PLXNC1: variants seen among roughly 807,000 people sequenced by gnomAD.
PLXNC1 encodes the protein plexin-C1.
In PLXNC1, 75 loss-of-function variants were observed where a neutral mutation model predicts 178.2. That is an observed-to-expected ratio of 0.42 (90% CI 0.35 to 0.51). The LOEUF (loss-of-function observed/expected upper bound fraction) is 0.51. Among genes scored for constraint, PLXNC1 ranks in the 20% least tolerant of loss-of-function variants. The pLI, the probability that PLXNC1 is intolerant of heterozygous loss-of-function variation, is 0.02. For synonymous variants in PLXNC1, 790 were observed against 779.9 expected (o/e 1.01, Z -0.22); for missense variants, 1,503 against 1,984.4 (o/e 0.76, Z 4.61).
intron 1 of PLXNC1, among the ~76,000 whole-genome samples, chr12:94,168,568 T>C (rs1420791531): frequency 6.6e-6 from 1 of 152,148 alleles, no homozygotes; most frequent in Admixed American, 6.5e-5. Flanking sequence ...CCTCCTTAGC[T>C]CTGTGGCTCG....
In PLXNC1 at chr12:94,297,173, T is replaced by C; in HGVS notation, c.3935-16T>C. ...TTTAATGGACTGCTTTCTCTCCCTC[T>C]TTCTCTGGCATTCAGATGTGGAGTA... On this transcript the variant is annotated splice_polypyrimidine_tract_variant and intron_variant, in intron 24 of 30. Transcript: ENST00000258526. 6.2e-7 allele frequency: 1 copy of C among 1,613,612 alleles called. No individual in the cohort carries two copies. Among genetic ancestry groups the C allele is most frequent in the Non-Finnish European group, 8.5e-7 (1 of 1,179,830 alleles).
intron 27 of PLXNC1, among the ~76,000 whole-genome samples, 194 bp from the exon 28 acceptor site, chr12:94,300,716 A>C (rs182970612): frequency 1.4e-4 from 22 of 152,244 alleles, no homozygotes; most frequent in African/African-American, 5.1e-4. Context: ...TCCTTCTTTT[A>C]CAGTAGCTCT....
At chr12:94,175,877 T>C (rs1962032312) in intron 2 of PLXNC1, among the ~76,000 whole-genome samples, 2 of 152,170 alleles carry the variant, frequency 1.3e-5, no homozygotes. Flanking sequence ...ATAAAGACAC[T>C]TCAGATAGTG....
At chr12:94,251,772 C>T (rs1964697162) in intron 15 of PLXNC1, among the ~76,000 whole-genome samples, 1 of 152,142 alleles carries the variant, frequency 6.6e-6, no homozygotes, top group Non-Finnish European at 1.5e-5. Context: ...GGGCGGATCG[C>T]CTTGAGGTCA....
At chr12:94,240,715 C>A in intron 11 of PLXNC1, 51 bp downstream of exon 11, 1 of 1,308,892 alleles carries the variant, frequency 7.6e-7, no homozygotes, top group Non-Finnish European at 1.1e-6. Flanking sequence ...AGGTCATATG[C>A]CCAAAGATCA....
intron 22 of PLXNC1, among the ~76,000 whole-genome samples, chr12:94,281,598 A>G (rs965404796): frequency 2.2e-5 from 2 of 89,312 alleles, no homozygotes; most frequent in Non-Finnish European, 4.5e-5. Context: ...TTTAAAAAAA[A>G]TTTTATAGAG....
chr12:94,167,784 T>A (rs1214752591), intron 1 of PLXNC1, among the ~76,000 whole-genome samples: 1 of 152,210 alleles, frequency 6.6e-6, no homozygotes, highest in Non-Finnish European at 1.5e-5. Flanking sequence ...TAAATCTTCT[T>A]AAACCGAGTT....
chr12:94,250,579 A>C (rs1387622871), intron 14 of PLXNC1, among the ~76,000 whole-genome samples: 1 of 152,210 alleles, frequency 6.6e-6, no homozygotes, highest in African/African-American at 2.4e-5. Context: ...TTGTATGTAC[A>C]TCAGTGAAAT....
intron 27 of PLXNC1, among the ~76,000 whole-genome samples, chr12:94,300,257 G>T (rs1040330816): frequency 6.6e-6 from 1 of 152,192 alleles, no homozygotes; most frequent in Admixed American, 6.5e-5. Flanking sequence ...AGGCTAGTAT[G>T]TGTCAGGACT....
At chr12:94,199,263 C>G (rs1339473953) in intron 4 of PLXNC1, among the ~76,000 whole-genome samples, 1 of 152,170 alleles carries the variant, frequency 6.6e-6, no homozygotes, top group Non-Finnish European at 1.5e-5. Flanking sequence ...CCTTCCAATC[C>G]GGGATGTGTC....
At chr12:94,252,027 A>G (rs1964710116) in intron 15 of PLXNC1, among the ~76,000 whole-genome samples, 1 of 152,116 alleles carries the variant, frequency 6.6e-6, no homozygotes, top group Admixed American at 6.6e-5. Flanking sequence ...ATTTTTTTTT[A>G]AAGGATGCTT....
chr12:94,280,058 G>A, intron 22 of PLXNC1: 2 of 344,736 alleles, frequency 5.8e-6, no homozygotes, highest in South Asian at 4.5e-5. Flanking sequence ...TCATTACTGG[G>A]TGGCTCAGAC....
intron 9 of PLXNC1, among the ~76,000 whole-genome samples, chr12:94,229,560 A>C (rs1964033707): frequency 6.6e-6 from 1 of 152,230 alleles, no homozygotes; most frequent in South Asian, 2.1e-4. Context: ...ATTCATTCTC[A>C]GTTCATTTTT....
At position 94,149,920 on chromosome 12, in the gene PLXNC1, G is replaced by A. The variant is rs758612505; in HGVS notation, c.949G>A (p.Gly317Ser). The A allele has an allele frequency of 6.3e-7, 1 of 1,587,584 alleles. No individual in the cohort carries two copies. The highest frequency in any genetic ancestry group is 8.6e-7 in the Non-Finnish European group (1 of 1,167,916). Reference protein sequence around the residue: ...AGVFSAAAGEGQERRSPTTTA... With the variant: ...AGVFSAAAGESQERRSPTTTA... ...AGTGTTCAGCGCGGCCGCTGGAGAG[G>A]GCCAGGAGCGGCGCTCCCCCACCAC... Residue 317 changes from glycine (G) to serine (S), a missense_variant, in exon 1 of 31, where the codon GGC (glycine) becomes AGC (serine). Gly to Ser is a moderately conservative substitution (Grantham distance 56). This residue lies in a region of PLXNC1 where 615 missense variants were observed against 698.6 expected (regional missense o/e 0.88). Transcript: ENST00000258526.
At chr12:94,277,223 T>C (rs1466069359) in intron 21 of PLXNC1, 1 of 152,134 alleles carries the variant, frequency 6.6e-6, no homozygotes, top group African/African-American at 2.4e-5. Flanking sequence ...GCAGGGCAGC[T>C]CTCTGAGGCC....
chr12:94,231,233 G>A (rs923182754), intron 9 of PLXNC1, among the ~76,000 whole-genome samples: 2 of 152,124 alleles, frequency 1.3e-5, no homozygotes, highest in African/African-American at 2.4e-5. Context: ...CTTTGAGGAC[G>A]AGAAGCATCC....
intron 21 of PLXNC1, 30 bp from the exon 22 acceptor site, chr12:94,279,442 A>G (rs1315117079): frequency 3.2e-6 from 5 of 1,585,778 alleles, no homozygotes; most frequent in East Asian, 2.2e-5. Flanking sequence ...ATTATCTAAT[A>G]GACTTGGAAA....
intron 5 of PLXNC1, among the ~76,000 whole-genome samples, chr12:94,217,895 CA>C (rs1963689913): frequency 1.3e-5 from 2 of 152,100 alleles, no homozygotes. Flanking sequence ...GCACTTGGCA[CA>C]TGTTGCAAGC....
chr12:94,156,600 C>T (rs1017988515), intron 1 of PLXNC1, among the ~76,000 whole-genome samples: 16 of 151,984 alleles, frequency 1.1e-4, no homozygotes, highest in African/African-American at 3.6e-4. Context: ...GCCTCAGCCT[C>T]CTGAGTAGCT....
Sources: gnomAD v4.1 joint callset for allele counts (sites outside exome capture counted in the v4.1 genomes callset) on GRCh38, gnomAD v4.1.1 for gene constraint, gnomAD v4.1.1 regional missense constraint, MANE v1.5 for transcripts, NCBI Gene and HGNC (gene_info 2026-07-23, HGNC 2026-07-21) for gene names.